FARP1: variants seen among roughly 807,000 people sequenced by gnomAD.
The protein encoded by FARP1 is FERM, ARH/RhoGEF and pleckstrin domain protein 1, also known as FERM, ARHGEF and pleckstrin domain-containing protein 1.
In FARP1, 52 loss-of-function variants were observed where a neutral mutation model predicts 128.8. The ratio of observed to expected loss-of-function variants is 0.40; its 90% CI spans 0.32 to 0.51. The LOEUF (loss-of-function observed/expected upper bound fraction) is 0.51. Among genes scored for constraint, FARP1 ranks in the 20% least tolerant of loss-of-function variants. FARP1 has a pLI of 0.45. For synonymous variants in FARP1, 580 were observed against 551.8 expected (o/e 1.05, Z -0.72); for missense variants, 1,333 against 1,367.9 (o/e 0.97, Z 0.40).
At chr13:98,447,977 C>T in intron 26 of FARP1, 1 of 523,306 alleles carries the variant, frequency 1.9e-6, no homozygotes, top group Non-Finnish European at 3.4e-6. Context: ...CACCTCGCTC[C>T]TAACTGCTCC....
intron 2 of FARP1, among the ~76,000 whole-genome samples, chr13:98,260,196 A>G (rs1273340627): frequency 6.6e-6 from 1 of 152,184 alleles, no homozygotes; most frequent in Non-Finnish European, 1.5e-5. Flanking sequence ...TTTACTTCAC[A>G]GTCTGCTTAT....
At chr13:98,342,842 T>C (rs1172449778) in intron 2 of FARP1, among the ~76,000 whole-genome samples, 2 of 151,894 alleles carry the variant, frequency 1.3e-5, no homozygotes, top group Non-Finnish European at 2.9e-5. Flanking sequence ...TTGACCAACA[T>C]GGAGAAACCC....
chr13:98,392,640 T>C (rs1204857689), intron 11 of FARP1, among the ~76,000 whole-genome samples: 1 of 152,206 alleles, frequency 6.6e-6, no homozygotes, highest in Non-Finnish European at 1.5e-5. Flanking sequence ...CATACAGTAG[T>C]ATGAAGATAC....
intron 13 of FARP1, chr13:98,406,104 C>T (rs1332389185): frequency 6.6e-6 from 1 of 152,214 alleles, no homozygotes; most frequent in Admixed American, 6.5e-5. Context: ...GCTCTTCCCA[C>T]CTGCTGGTAT....
chr13:98,304,590 T>G (rs529453827), intron 2 of FARP1, among the ~76,000 whole-genome samples: 2 of 152,266 alleles, frequency 1.3e-5, no homozygotes, highest in East Asian at 3.9e-4. Flanking sequence ...AGCTACCCAT[T>G]CGATGGGCAC....
intron 2 of FARP1, among the ~76,000 whole-genome samples, chr13:98,310,011 G>A (rs529418975): frequency 2.7e-5 from 4 of 149,844 alleles, no homozygotes; most frequent in African/African-American, 7.3e-5. Context: ...TGGTTTTTAC[G>A]CCGATGGGAC....
At chr13:98,412,155 A>G (rs1011346043) in intron 16 of FARP1, 121 bp downstream of exon 16, 2 of 895,918 alleles carry the variant, frequency 2.2e-6, no homozygotes, top group African/African-American at 1.7e-5. Flanking sequence ...CTGGCTTACA[A>G]CAAGTCAGCC....
At chr13:98,220,281 T>G (rs945618126) in intron 2 of FARP1, among the ~76,000 whole-genome samples, 1 of 151,986 alleles carries the variant, frequency 6.6e-6, no homozygotes, top group African/African-American at 2.4e-5. Context: ...GCTTCACACA[T>G]AAGAGGTGGA....
intron 2 of FARP1, among the ~76,000 whole-genome samples, chr13:98,278,849 A>G (rs1181220570): frequency 2.0e-5 from 3 of 148,920 alleles, no homozygotes; most frequent in African/African-American, 7.8e-5. Flanking sequence ...ATTTTGAGAC[A>G]GAGTCTCCCT....
At chr13:98,312,515 G>T (rs919385500) in intron 2 of FARP1, among the ~76,000 whole-genome samples, 18 of 152,104 alleles carry the variant, frequency 1.2e-4, no homozygotes, top group African/African-American at 4.3e-4. Context: ...AAGTATTCAA[G>T]ATAGAGAAAA....
At chr13:98,161,829 G>A (rs2139131300) in intron 1 of FARP1, among the ~76,000 whole-genome samples, 1 of 151,998 alleles carries the variant, frequency 6.6e-6, no homozygotes, top group Admixed American at 6.5e-5. Flanking sequence ...ACCAGGACTG[G>A]AGTGCAGTGG....
rs976547832 is a variant in FARP1 at position 98,160,502 on chromosome 13, C to T, written c.-24+17010C>T. Reference sequence around the variant, plus strand: ...TCGTTTCTTTAAAAGCTTTTTTTCTCGTTTCTTTTTGTTAATTGCAAAAAT... The same window carrying T: ...TCGTTTCTTTAAAAGCTTTTTTTCTTGTTTCTTTTTGTTAATTGCAAAAAT... On this transcript the variant is annotated intron_variant, in intron 1 of 26. Transcript: ENST00000319562. Among the ~76,000 whole-genome samples the T allele has an allele frequency of 1.1e-4, 17 of 152,130 alleles. No individual in the cohort carries two copies. The East Asian group carries it at 2.1e-3, about 19-fold the overall frequency.
rs117958220 is a variant in FARP1, at chr13:98,266,372, G to T, written c.171+52959G>T. Among the ~76,000 whole-genome samples, 178 of 152,288 alleles carry T rather than the reference G, an allele frequency of 1.2e-3. 6 individuals are homozygous for T. In the East Asian group the frequency reaches 0.033, roughly 29 times the overall value. On this transcript the variant is annotated intron_variant, in intron 2 of 26. Transcript: ENST00000319562. ...TAGCTGTGTGGTCTTGGGCAGGTTT[G>T]CTCTCTGGGCCTCTGTCCTGCTCTG...
At chr13:98,173,164 T>C (rs886710055) in intron 1 of FARP1, among the ~76,000 whole-genome samples, 1 of 152,210 alleles carries the variant, frequency 6.6e-6, no homozygotes, top group African/African-American at 2.4e-5. Flanking sequence ...TTTCAGTGCA[T>C]TTCAGCTTTA....
intron 2 of FARP1, among the ~76,000 whole-genome samples, chr13:98,265,943 A>C (rs1232846210): frequency 1.3e-5 from 2 of 152,122 alleles, no homozygotes; most frequent in African/African-American, 4.8e-5. Context: ...CTTGCCGCAA[A>C]AGTTCCTTGC....
chr13:98,341,477 C>T (rs1426680665), intron 2 of FARP1, among the ~76,000 whole-genome samples: 1 of 151,982 alleles, frequency 6.6e-6, no homozygotes, highest in Non-Finnish European at 1.5e-5. Context: ...ACTAAAAATA[C>T]AAAAATTAGC....
intron 2 of FARP1, among the ~76,000 whole-genome samples, chr13:98,343,196 A>T (rs1297938613): frequency 6.6e-6 from 1 of 152,044 alleles, no homozygotes; most frequent in Non-Finnish European, 1.5e-5. Context: ...ATTAGGAGGG[A>T]GGGAGGGAGG....
At chr13:98,439,619 G>A (rs1310824157) in intron 21 of FARP1, among the ~76,000 whole-genome samples, 2 of 152,176 alleles carry the variant, frequency 1.3e-5, no homozygotes, top group Non-Finnish European at 2.9e-5. Context: ...GTCCTCCCCC[G>A]AGTTGGTTTG....
chr13:98,148,891 C>CTT (rs112202329), intron 1 of FARP1, among the ~76,000 whole-genome samples: 2 of 146,036 alleles, frequency 1.4e-5, no homozygotes, highest in African/African-American at 5.0e-5. Context: ...CTCTCTTTTA[C>CTT]TTTTTTTTTT....
Sources: allele counts gnomAD v4.1 joint callset (sites outside exome capture counted in the v4.1 genomes callset), GRCh38; gene constraint gnomAD v4.1.1; transcripts MANE v1.5; gene names NCBI Gene and HGNC (gene_info 2026-07-23, HGNC 2026-07-21).